PUM3: variants seen among roughly 807,000 people sequenced by gnomAD.
PUM3 encodes the protein pumilio homolog 3.
In PUM3, 91 loss-of-function variants were observed where a neutral mutation model predicts 84.0. The observed-to-expected ratio is 1.08, with a 90% CI of 0.91 to 1.29. The LOEUF (loss-of-function observed/expected upper bound fraction) is 1.29, where lower values mean the gene tolerates loss of function less well. Among genes scored for constraint, PUM3 ranks in the 50% most tolerant of loss-of-function variants. The pLI is 0.00. For synonymous variants in PUM3, 321 were observed against 266.7 expected (o/e 1.20, Z -1.98); for missense variants, 1,067 against 767.5 (o/e 1.39, Z -4.61).
chr9:2,805,084 C>T (rs1254722051), intron 17 of PUM3, among the ~76,000 whole-genome samples: 1 of 152,156 alleles, frequency 6.6e-6, no homozygotes, highest in South Asian at 2.1e-4. Flanking sequence ...TGTAAACTCT[C>T]TTAAGACTCA....
chr9:2,837,294 C>A lies in PUM3; in HGVS notation c.190G>T (p.Gly64Cys), dbSNP rs201992068. 6.2e-7 allele frequency: 1 copy of A among 1,614,052 alleles called. No homozygotes were observed. Among genetic ancestry groups the A allele is most frequent in the African/African-American group, 1.3e-5 (1 of 75,018 alleles). The change falls in exon 3 of 18, where the codon GGT (glycine) becomes TGT (cysteine). Residue 64 changes from glycine (G) to cysteine (C), a missense_variant. Transcript: ENST00000397885. Reference sequence around the variant, plus strand: ...TGCTTATTCTTGAACTGCTTTACACCCTTTTTCCCAAGTTTTGTGATACTT... The same window carrying A: ...TGCTTATTCTTGAACTGCTTTACACACTTTTTCCCAAGTTTTGTGATACTT... ...EKSITKLGKK[G>C]VKQFKNKQQG...
intron 2 of PUM3, 32 bp from the exon 3 acceptor site, chr9:2,837,433 T>C (rs1816158268): frequency 4.2e-6 from 6 of 1,419,864 alleles, no homozygotes; most frequent in Admixed American, 1.8e-5. Flanking sequence ...AGTTCAATGA[T>C]TCTGGGCCCA....
At chr9:2,819,197 C>G (rs549136849) in intron 13 of PUM3, among the ~76,000 whole-genome samples, 49 of 152,286 alleles carry the variant, frequency 3.2e-4, no homozygotes, top group African/African-American at 1.1e-3. Flanking sequence ...ATACTCAACA[C>G]CACTCATACA....
intron 3 of PUM3, among the ~76,000 whole-genome samples, chr9:2,835,877 A>C (rs1188141465): frequency 2.0e-5 from 3 of 152,224 alleles, no homozygotes; most frequent in African/African-American, 7.2e-5. Flanking sequence ...AAAAGAAATC[A>C]TAACTTTCCT....
intron 12 of PUM3, among the ~76,000 whole-genome samples, chr9:2,823,383 AACT>A (rs1463591774): frequency 1.3e-5 from 2 of 152,122 alleles, no homozygotes; most frequent in African/African-American, 4.8e-5. Context: ...TCATAAGGAA[AACT>A]ACTATCAAGT....
chr9:2,843,570 C>CT (rs1816323445), intron 1 of PUM3, among the ~76,000 whole-genome samples: 2 of 145,746 alleles, frequency 1.4e-5, no homozygotes, highest in African/African-American at 5.2e-5. Flanking sequence ...GAGTCCCGCC[C>CT]TTCTTTTTTT....
intron 12 of PUM3, among the ~76,000 whole-genome samples, chr9:2,822,420 A>G (rs1016889747): frequency 6.6e-6 from 1 of 152,050 alleles, no homozygotes; most frequent in African/African-American, 2.4e-5. Context: ...GAAATTAATA[A>G]TTCCAAATAA....
chr9:2,830,495 C>T (rs1815946950), intron 7 of PUM3, among the ~76,000 whole-genome samples: 2 of 152,148 alleles, frequency 1.3e-5, no homozygotes, highest in African/African-American at 2.4e-5. Context: ...CAGTCTCCAC[C>T]CTCTTAATAC....
In PUM3 at chr9:2,812,331, T is replaced by C. The variant is rs1486368362; in HGVS notation, c.1301A>G (p.Asn434Ser). 1.9e-6 allele frequency: 3 copies of C among 1,591,404 alleles called. No individual in the cohort carries two copies. The East Asian group carries it at 6.7e-5, about 36-fold the overall frequency. ...EIISSLPSIV[N>S]DKYGRKVLLY... ...TAGGACCTTCCTTCCATATTTGTCA[T>C]TTACTATGCTAGGCAATGAACTGAT... Residue 434 changes from asparagine (N) to serine (S), a missense_variant, in exon 14 of 18, where the codon AAT (asparagine) becomes AGT (serine). Transcript: ENST00000397885.
intron 15 of PUM3, 49 bp downstream of exon 15, chr9:2,811,312 T>C (rs771485495): frequency 6.3e-7 from 1 of 1,577,836 alleles, no homozygotes; most frequent in Non-Finnish European, 8.7e-7. Flanking sequence ...AAAAACGAAG[T>C]TTTTGTGGCC....
In PUM3 at chr9:2,804,459, G is replaced by A; in HGVS notation, c.1819C>T (p.Leu607Phe). Residue 607 changes from leucine to phenylalanine, a missense_variant, in exon 18 of 18, where the codon CTC (leucine) becomes TTC (phenylalanine). Leu to Phe is a conservative substitution (Grantham distance 22). Coordinates refer to ENST00000397885, the MANE Select transcript of PUM3 (RefSeq NM_014878.5). ...GCAACTTCCAGGTCACAACTCTGGA[G>A]GAGGCTGAAGAGAGGAAAAAAATTA... Reference protein sequence around the residue: ...NRGAIILSSLLQSCDLEVANK... With the variant: ...NRGAIILSSLFQSCDLEVANK... The A allele has an allele frequency of 6.2e-7, 1 of 1,610,374 alleles. No individual in the cohort carries two copies. Among genetic ancestry groups the A allele is most frequent in the Non-Finnish European group, 8.5e-7 (1 of 1,178,804 alleles).
chr9:2,838,510 T>C lies in PUM3; in HGVS notation c.-3A>G, dbSNP rs754016315. The C allele has an allele frequency of 3.7e-6, 6 of 1,612,192 alleles. No homozygotes were observed. The African/African-American group carries it at 4.0e-5, about 11-fold the overall frequency. ...TGCTTTTTCCCTTTAACTTCCATCG[T>C]AGCAACTCTGGAAAACCAAAACCAA... is the stretch of plus-strand genomic sequence containing the variant. On this transcript the variant is annotated 5_prime_UTR_variant, in exon 2 of 18. Transcript: ENST00000397885.
At chr9:2,810,459 T>A in intron 15 of PUM3, 28 bp from the exon 16 acceptor site, 1 of 1,495,808 alleles carries the variant, frequency 6.7e-7, no homozygotes, top group Non-Finnish European at 9.2e-7. Flanking sequence ...CAGTTAATTT[T>A]AAAAGTTGTT....
At chr9:2,833,335 A>T (rs1816033347) in intron 5 of PUM3, 22 bp downstream of exon 5, 1 of 1,372,192 alleles carries the variant, frequency 7.3e-7, no homozygotes, top group Admixed American at 1.8e-5. Context: ...AAAAATTGCA[A>T]CAATGAGTAT....
chr9:2,814,464 G>A (rs1286661611), intron 13 of PUM3, among the ~76,000 whole-genome samples: 1 of 152,138 alleles, frequency 6.6e-6, no homozygotes, highest in Non-Finnish European at 1.5e-5. Flanking sequence ...ACCCACCTCA[G>A]CCTCCCAAAC....
intron 13 of PUM3, among the ~76,000 whole-genome samples, chr9:2,816,002 G>A (rs184611443): frequency 9.0e-4 from 137 of 152,296 alleles, no homozygotes; most frequent in Middle Eastern, 3.4e-3. Context: ...TTGCCAATGC[G>A]CTTTTAAAGA....
At chr9:2,805,334 T>A (rs925646796) in intron 17 of PUM3, among the ~76,000 whole-genome samples, 4 of 152,196 alleles carry the variant, frequency 2.6e-5, no homozygotes, top group Non-Finnish European at 5.9e-5. Context: ...CAGGCCCATT[T>A]CTCTGTGGAT....
In PUM3 at chr9:2,837,297, T is replaced by A; in HGVS notation, c.187A>T (p.Lys63Ter). 1 of 1,614,120 alleles carries A rather than the reference T, an allele frequency of 6.2e-7. No homozygotes were observed. Among genetic ancestry groups the A allele is most frequent in the African/African-American group, 1.3e-5 (1 of 75,040 alleles). ...FEKSITKLGK[K>*]GVKQFKNKQQ... ...TTATTCTTGAACTGCTTTACACCCT[T>A]TTTCCCAAGTTTTGTGATACTTTTC... Residue 63 changes from lysine (K) to a stop codon, truncating the protein, a stop_gained, in exon 3 of 18, where the codon AAG (lysine) becomes TAG (stop). Transcript: ENST00000397885. LOFTEE classifies it high-confidence loss of function.
chr9:2,834,905 A>G (rs919067714), intron 3 of PUM3, among the ~76,000 whole-genome samples: 1 of 152,134 alleles, frequency 6.6e-6, no homozygotes, highest in African/African-American at 2.4e-5. Flanking sequence ...AACAAAGAAC[A>G]ACTTACTAAA....
Sources: allele counts gnomAD v4.1 joint callset (sites outside exome capture counted in the v4.1 genomes callset), GRCh38; gene constraint gnomAD v4.1.1; transcripts MANE v1.5; gene names NCBI Gene and HGNC (gene_info 2026-07-23, HGNC 2026-07-21).